Variants in HS6ST2 observed in about 807,000 individuals in gnomAD.
HS6ST2 encodes the protein heparan-sulfate 6-O-sulfotransferase 2.
In HS6ST2, 17 loss-of-function variants were observed where a neutral mutation model predicts 33.0. That is an observed-to-expected ratio of 0.52 (90% CI 0.35 to 0.77). HS6ST2 has a LOEUF of 0.77. Among genes scored for constraint, HS6ST2 ranks in the 30% least tolerant of loss-of-function variants. The probability of loss-of-function intolerance (pLI) is 0.01; values close to 1 mark genes in which losing one functional copy is unlikely to be tolerated. For synonymous variants in HS6ST2, 248 were observed against 237.1 expected (o/e 1.05, Z -0.42); for missense variants, 519 against 551.7 (o/e 0.94, Z 0.59).
chrX:132,914,254 G>A (rs934673263), intron 2 of HS6ST2, among the ~76,000 whole-genome samples: 2 of 112,264 alleles, frequency 1.8e-5, no homozygotes, highest in South Asian at 3.7e-4. Flanking sequence ...TGTGCTTTCT[G>A]TATTATATCA....
intron 2 of HS6ST2, among the ~76,000 whole-genome samples, chrX:132,713,199 G>A (rs1488444561): frequency 1.8e-5 from 2 of 111,241 alleles, no homozygotes; most frequent in Non-Finnish European, 3.8e-5. Context: ...TGGGTAGGTA[G>A]GCCCATGTGT....
At chrX:132,954,186 TCTGGTCGA>T (rs1388000908) in intron 2 of HS6ST2, among the ~76,000 whole-genome samples, 1 of 111,862 alleles carries the variant, frequency 8.9e-6, no homozygotes, top group African/African-American at 3.3e-5. Context: ...CTACACAGGA[TCTGGTCGA>T]GGGTCACATG....
chrX:132,696,336 A>G (rs2064104850), intron 3 of HS6ST2, among the ~76,000 whole-genome samples: 1 of 111,907 alleles, frequency 8.9e-6, no homozygotes, highest in South Asian at 3.7e-4. Context: ...AGCTAAGAGT[A>G]GAACCAGGGA....
chrX:132,668,253 G>T lies in HS6ST2; in HGVS notation c.1067+860C>A, dbSNP rs1232329493. 2.7e-5 allele frequency: 3 copies of T among 111,580 alleles called. No individual in the cohort carries two copies. The East Asian group carries it at 8.4e-4, about 31-fold the overall frequency. 9.2% of individuals were successfully genotyped at this position (111,580 alleles called of 1,213,427 possible). On this transcript the variant is annotated intron_variant, in intron 4 of 4. Transcript: ENST00000370833. Reference sequence around the variant, plus strand: ...GATTAGAGCTTTTAGCATGATGAAGGTATCTTTCATTTTCTCCTAGATGCA... The same window carrying T: ...GATTAGAGCTTTTAGCATGATGAAGTTATCTTTCATTTTCTCCTAGATGCA...
chrX:132,647,268 T>C (rs2063653157), intron 4 of HS6ST2, among the ~76,000 whole-genome samples: 1 of 111,107 alleles, frequency 9.0e-6, no homozygotes, highest in East Asian at 2.8e-4. Context: ...TCTCTCTTCA[T>C]CTTTTTTTCC....
At chrX:132,711,845 C>T (rs1029324320) in intron 2 of HS6ST2, among the ~76,000 whole-genome samples, 13 of 111,169 alleles carry the variant, frequency 1.2e-4, no homozygotes, top group African/African-American at 4.3e-4. Flanking sequence ...CAAGAAAAAT[C>T]GAATTGATGA....
intron 2 of HS6ST2, among the ~76,000 whole-genome samples, chrX:132,763,768 G>C (rs928101450): frequency 8.9e-6 from 1 of 112,040 alleles, no homozygotes; most frequent in African/African-American, 3.2e-5. Flanking sequence ...GTCATCCTCT[G>C]TCCAGCTGGC....
At chrX:132,881,639 T>A (rs2066175194) in intron 2 of HS6ST2, among the ~76,000 whole-genome samples, 1 of 111,935 alleles carries the variant, frequency 8.9e-6, no homozygotes, top group Admixed American at 9.5e-5. Flanking sequence ...TTAGATCCCA[T>A]TTGTCAATTT....
chrX:132,689,827 T>C lies in HS6ST2; in HGVS notation c.980+18635A>G, dbSNP rs756469490. ...CAGGCTGCATGCAGCCCAGAATGGCTTTGAATGCAGCCCAACACAAATTCG... is the reference window on the plus strand; with the variant it reads ...CAGGCTGCATGCAGCCCAGAATGGCCTTGAATGCAGCCCAACACAAATTCG... On this transcript the variant is annotated intron_variant, in intron 3 of 4. Transcript: ENST00000370833. Among the ~76,000 whole-genome samples, 8 of 111,912 alleles carry C rather than the reference T, an allele frequency of 7.1e-5. No homozygotes were observed. In the East Asian group the frequency reaches 2.3e-3, roughly 32 times the overall value.
chrX:132,774,438 C>T (rs1173779073), intron 2 of HS6ST2, among the ~76,000 whole-genome samples: 1 of 112,248 alleles, frequency 8.9e-6, no homozygotes. Context: ...TGTCTCAAAA[C>T]TGCTATGAAG....
chrX:132,824,913 G>A (rs1282211352), intron 2 of HS6ST2, among the ~76,000 whole-genome samples: 1 of 112,247 alleles, frequency 8.9e-6, no homozygotes, highest in Non-Finnish European at 1.9e-5. Context: ...AATCATTACT[G>A]AAATCCATCT....
At chrX:132,841,575 C>T (rs1011508112) in intron 2 of HS6ST2, among the ~76,000 whole-genome samples, 2 of 111,713 alleles carry the variant, frequency 1.8e-5, no homozygotes, top group African/African-American at 6.5e-5. Context: ...TAAGAGCAAA[C>T]CAAAAGGGTG....
intron 4 of HS6ST2, among the ~76,000 whole-genome samples, chrX:132,653,198 C>T (rs1869415964): frequency 1.8e-5 from 2 of 111,531 alleles, no homozygotes; most frequent in Non-Finnish European, 3.8e-5. Context: ...GAAAACTCCA[C>T]TTTTCTGCTT....
intron 2 of HS6ST2, among the ~76,000 whole-genome samples, chrX:132,827,725 G>A (rs2065537283): frequency 1.8e-5 from 2 of 110,611 alleles, no homozygotes; most frequent in Admixed American, 1.9e-4. Context: ...TTCATGTTGG[G>A]CTTACACCTC....
Position 132,844,636 on chromosome X carries a change from T to C in HS6ST2, c.947+112172A>G, listed in dbSNP as rs1331493602. Among the ~76,000 whole-genome samples, 12 of 110,931 alleles carry C rather than the reference T, an allele frequency of 1.1e-4. 2 individuals are homozygous for C. Among genetic ancestry groups the C allele is most frequent in the Admixed American group, 1.1e-3 (11 of 10,348 alleles). On this transcript the variant is annotated intron_variant, in intron 2 of 4. Transcript: ENST00000370833. ...GACTTCCAGCAGACCACTCTTTACT[T>C]TTCTGGCCCCCTCCCAACACCACAG...
chrX:132,805,039 T>C (rs996595032), intron 2 of HS6ST2, among the ~76,000 whole-genome samples: 2 of 111,357 alleles, frequency 1.8e-5, no homozygotes, highest in Admixed American at 1.9e-4. Flanking sequence ...AGATGTTCAG[T>C]GTGCCTCTCA....
chrX:132,751,555 G>T (rs2064707869), intron 2 of HS6ST2, among the ~76,000 whole-genome samples: 1 of 111,907 alleles, frequency 8.9e-6, no homozygotes, highest in African/African-American at 3.3e-5. Flanking sequence ...GGAAGGAGGA[G>T]CAAGACTCTG....
chrX:132,705,188 CGTGTGTGTGTGTGT>C (rs59172290), intron 3 of HS6ST2, among the ~76,000 whole-genome samples: 1 of 103,231 alleles, frequency 9.7e-6, no homozygotes, highest in Non-Finnish European at 2.0e-5. Context: ...TGTGGGCACG[CGTGTGTGTGTGTGT>C]GTGTGTGTGT....
At chrX:132,942,284 T>G (rs922602137) in intron 2 of HS6ST2, among the ~76,000 whole-genome samples, 5 of 112,297 alleles carry the variant, frequency 4.5e-5, no homozygotes, top group African/African-American at 1.6e-4. Context: ...GGCATCAGCT[T>G]AAGTGGCCAT....
Sources: gnomAD v4.1 joint callset for allele counts (sites outside exome capture counted in the v4.1 genomes callset) on GRCh38, gnomAD v4.1.1 for gene constraint, MANE v1.5 for transcripts, NCBI Gene and HGNC (gene_info 2026-07-23, HGNC 2026-07-21) for gene names.